The following LPIN2 variants were observed in gnomAD, a reference collection of about 807,000 sequenced individuals.
LPIN2 encodes phosphatidate phosphatase LPIN2.
LPIN2 carries 55 observed loss-of-function variants against 111.4 expected under a neutral mutation model. The ratio of observed to expected loss-of-function variants is 0.49; its 90% CI spans 0.40 to 0.62. LPIN2 has a LOEUF of 0.62. Ranked by LOEUF, LPIN2 falls within the 20% of genes least tolerant of loss-of-function variation. The pLI, the probability that LPIN2 is intolerant of heterozygous loss-of-function variation, is 0.00. For synonymous variants in LPIN2, 425 were observed against 414.0 expected, an observed-to-expected ratio of 1.03 and a Z score of -0.32; for missense variants, 992 against 1,112.1, an observed-to-expected ratio of 0.89 and a Z score of 1.54.
intron 16 of LPIN2, 58 bp downstream of exon 16, chr18:2,923,717 A>C: frequency 1.4e-6 from 2 of 1,381,498 alleles, no homozygotes; most frequent in South Asian, 2.3e-5. Flanking sequence ...ATTGTTCTAT[A>C]GTTCTTAAAG....
chr18:3,003,184 T>G (rs1213425831), intron 1 of LPIN2, among the ~76,000 whole-genome samples: 1 of 152,254 alleles, frequency 6.6e-6, no homozygotes, highest in East Asian at 1.9e-4. Context: ...TATTTCTATT[T>G]AATGAAAGGT....
At chr18:2,955,339 G>A (rs78712502) in intron 2 of LPIN2, among the ~76,000 whole-genome samples, 9,789 of 152,188 alleles carry the variant, frequency 0.064, 409 homozygotes, top group Non-Finnish European at 0.095. Flanking sequence ...GGTGAAAGGC[G>A]AAGTGGGGGC....
At chr18:2,928,538 T>G in intron 11 of LPIN2, 53 bp downstream of exon 11, 14 of 1,515,060 alleles carry the variant, frequency 9.2e-6, no homozygotes, top group Non-Finnish European at 9.2e-7. Context: ...TTTGTGTAAG[T>G]ACTAGACACT....
chr18:2,961,219 GC>G, intron 1 of LPIN2, among the ~76,000 whole-genome samples: 1 of 152,242 alleles, frequency 6.6e-6, no homozygotes. Flanking sequence ...GGAACCTGCG[GC>G]TACTGCATCC....
chr18:2,936,356 T>A (rs1598538359), intron 7 of LPIN2, among the ~76,000 whole-genome samples: 1 of 152,168 alleles, frequency 6.6e-6, no homozygotes, highest in African/African-American at 2.4e-5. Context: ...GTATCGATGG[T>A]TGGCTTTTTA....
At chr18:2,993,517 A>G (rs2078297643) in intron 1 of LPIN2, among the ~76,000 whole-genome samples, 1 of 152,222 alleles carries the variant, frequency 6.6e-6, no homozygotes, top group Admixed American at 6.5e-5. Context: ...TGGCTTTCTG[A>G]GCATTCAACT....
chr18:3,009,470 G>A (rs184956257), intron 1 of LPIN2, among the ~76,000 whole-genome samples: 101 of 151,722 alleles, frequency 6.7e-4, no homozygotes, highest in African/African-American at 1.7e-3. Flanking sequence ...ACAGAGTCTC[G>A]CTCTGTCACC....
At chr18:2,923,703 C>T in intron 16 of LPIN2, 72 bp downstream of exon 16, 1 of 1,244,880 alleles carries the variant, frequency 8.0e-7, no homozygotes, top group Non-Finnish European at 1.2e-6. Flanking sequence ...TGAAGACTTA[C>T]ACCATTGTTC....
chr18:2,923,080 G>A (rs1018210889), intron 16 of LPIN2, among the ~76,000 whole-genome samples: 2 of 152,146 alleles, frequency 1.3e-5, no homozygotes, highest in African/African-American at 4.8e-5. Flanking sequence ...AGCAGCCCAT[G>A]CAAGAACTAT....
Position 2,978,081 on chromosome 18 carries a change from G to A in LPIN2, c.-9-17232C>T, listed in dbSNP as rs991961117. Among the ~76,000 whole-genome samples, 3 of 152,196 alleles carry A rather than the reference G, an allele frequency of 2.0e-5. No homozygotes were observed. The South Asian group carries it at 6.2e-4, about 32-fold the overall frequency. On this transcript the variant is annotated intron_variant, in intron 1 of 19. Coordinates refer to ENST00000677752, the MANE Select transcript of LPIN2 (RefSeq NM_001375808.2). The stretch of plus-strand genomic sequence containing the variant: ...TGGCACCTGTAGTCCCAGCTACTCA[G>A]GAGGCTGAGGCAGGAGAACTGCTTG...
intron 1 of LPIN2, among the ~76,000 whole-genome samples, chr18:2,981,881 T>A (rs2078116020): frequency 6.6e-6 from 1 of 152,240 alleles, no homozygotes. Flanking sequence ...CTAATTTTTG[T>A]CTCACTGATT....
At chr18:2,939,751 C>T (rs987286033) in intron 5 of LPIN2, 148 bp from the exon 6 acceptor site, 13 of 803,204 alleles carry the variant, frequency 1.6e-5, no homozygotes, top group Non-Finnish European at 2.4e-5. Context: ...TCAATTATTT[C>T]TTCCACTTGA....
intron 1 of LPIN2, among the ~76,000 whole-genome samples, chr18:3,000,529 G>A (rs181386665): frequency 9.3e-4 from 141 of 152,278 alleles, no homozygotes; most frequent in Admixed American, 2.3e-3. Flanking sequence ...ATATGGGCAC[G>A]ACTACACAAA....
chr18:2,980,330 T>C (rs761429948), intron 1 of LPIN2, among the ~76,000 whole-genome samples: 18 of 152,214 alleles, frequency 1.2e-4, no homozygotes, highest in Non-Finnish European at 2.2e-4. Flanking sequence ...AATTACTTTT[T>C]TGAACACTGG....
intron 1 of LPIN2, among the ~76,000 whole-genome samples, chr18:2,964,924 T>C (rs1038343364): frequency 2.0e-5 from 3 of 152,216 alleles, no homozygotes; most frequent in Non-Finnish European, 4.4e-5. Flanking sequence ...TGTGAACTGA[T>C]TGGGTCTACT....
Position 2,918,990 on chromosome 18 carries a change from A to G in LPIN2, c.*1303T>C, listed in dbSNP as rs2077009300. The G allele has an allele frequency of 6.6e-6, 1 of 152,088 alleles. No homozygotes were observed. Among genetic ancestry groups the G allele is most frequent in the South Asian group, 2.1e-4 (1 of 4,828 alleles). The allele number at this position is 152,088 out of a possible 1,614,324, so 9.4% of individuals were successfully genotyped here. ...ACCTGGGGTTGGTTCTGGGCTCCTG[A>G]CAGTTCTCTTGATGTTAAGAGTGCA... On this transcript the variant is annotated 3_prime_UTR_variant, in exon 20 of 20. Coordinates refer to ENST00000677752, the MANE Select transcript of LPIN2 (RefSeq NM_001375808.2).
chr18:2,950,727 A>C (rs2077522520), intron 4 of LPIN2: 5 of 371,472 alleles, frequency 1.3e-5, no homozygotes, highest in Middle Eastern at 1.6e-3. Context: ...GGGAAATCCC[A>C]GAGATGACAT....
chr18:2,924,878 G>A (rs2077106774), intron 14 of LPIN2, among the ~76,000 whole-genome samples: 1 of 152,238 alleles, frequency 6.6e-6, no homozygotes, highest in Admixed American at 6.5e-5. Flanking sequence ...CAAAGGCAGG[G>A]TGTAAAATAA....
At chr18:2,974,346 G>A (rs1816318975) in intron 1 of LPIN2, among the ~76,000 whole-genome samples, 1 of 152,182 alleles carries the variant, frequency 6.6e-6, no homozygotes, top group African/African-American at 2.4e-5. Context: ...CCAAAGTGCT[G>A]GGATTAACAG....
Sources: allele counts gnomAD v4.1 joint callset (sites outside exome capture counted in the v4.1 genomes callset), GRCh38; gene constraint gnomAD v4.1.1; transcripts MANE v1.5; gene names NCBI Gene and HGNC (gene_info 2026-07-23, HGNC 2026-07-21).